Variants in MAP2K5 observed in about 807,000 individuals in gnomAD.
MAP2K5 encodes the protein mitogen-activated protein kinase kinase 5, also known as dual specificity mitogen-activated protein kinase kinase 5.
In MAP2K5, 49 loss-of-function variants were observed where a neutral mutation model predicts 83.1. That is an observed-to-expected ratio of 0.59 (90% CI 0.47 to 0.75). The LOEUF is 0.75. MAP2K5 is among the 30% of genes least tolerant of loss of function. The pLI, the probability that MAP2K5 is intolerant of heterozygous loss-of-function variation, is 0.00. For missense variants in MAP2K5, 457 were observed against 557.5 expected (o/e 0.82, Z 1.82); for synonymous variants, 202 against 191.8 (o/e 1.05, Z -0.44).
At chr15:67,584,273 T>C (rs930675890) in intron 4 of MAP2K5, among the ~76,000 whole-genome samples, 1 of 152,234 alleles carries the variant, frequency 6.6e-6, no homozygotes, top group African/African-American at 2.4e-5. Flanking sequence ...TTATAAAAGT[T>C]TGAGAAGTCA....
At chr15:67,709,452 T>G (rs2088635487) in intron 16 of MAP2K5, among the ~76,000 whole-genome samples, 1 of 148,522 alleles carries the variant, frequency 6.7e-6, no homozygotes, top group Non-Finnish European at 1.5e-5. Flanking sequence ...TTATTAACCT[T>G]GTAGTCTCTG....
intron 8 of MAP2K5, among the ~76,000 whole-genome samples, chr15:67,606,245 A>G (rs1019938117): frequency 1.3e-5 from 2 of 152,068 alleles, no homozygotes; most frequent in African/African-American, 4.8e-5. Flanking sequence ...CTTTTATATT[A>G]TTTTTTCCTT....
intron 13 of MAP2K5, among the ~76,000 whole-genome samples, chr15:67,666,813 G>A (rs1474215618): frequency 3.9e-5 from 6 of 152,138 alleles, no homozygotes; most frequent in African/African-American, 1.4e-4. Flanking sequence ...CAGTGGTAGA[G>A]GGCTGACAAG....
At chr15:67,608,269 T>C (rs769567392) in intron 8 of MAP2K5, among the ~76,000 whole-genome samples, 1 of 152,184 alleles carries the variant, frequency 6.6e-6, no homozygotes, top group African/African-American at 2.4e-5. Flanking sequence ...GTGCTGAGTT[T>C]ACAGACATAT....
At chr15:67,642,533 G>A (rs370716132) in intron 9 of MAP2K5, 3 of 1,189,314 alleles carry the variant, frequency 2.5e-6, no homozygotes, top group Non-Finnish European at 3.8e-6. Context: ...CATTCAAGCT[G>A]GGTCTAAAAG....
Position 67,757,823 on chromosome 15 carries a change from A to G in MAP2K5, c.1134+9222A>G, listed in dbSNP as rs529182990. ...TGATGTTTGTAGCCATATAAATTCT[A>G]TAATTAAAGTGTGGCCAAGGTGCTG... On this transcript the variant is annotated intron_variant, in intron 19 of 21. Coordinates refer to ENST00000178640, the MANE Select transcript of MAP2K5 (RefSeq NM_145160.3). This position sits in a 1 kb window ranked among gnomAD's most constrained non-coding sequence, Gnocchi z 4.9. Among the ~76,000 whole-genome samples, 8 of 152,230 alleles carry G rather than the reference A, an allele frequency of 5.3e-5. No individual in the cohort carries two copies. The highest frequency in any genetic ancestry group is 9.6e-5 in the African/African-American group (4 of 41,548).
At chr15:67,765,899 T>C (rs1015112801) in intron 19 of MAP2K5, among the ~76,000 whole-genome samples, 4 of 152,228 alleles carry the variant, frequency 2.6e-5, no homozygotes, top group African/African-American at 9.6e-5. Flanking sequence ...CTTTTGCTCA[T>C]AGATTGTGCA....
In MAP2K5 at chr15:67,723,753, T is replaced by A. The variant is rs568302539; in HGVS notation, c.1045-4163T>A. ...TGTCTACATTTTTCAGTACACTTTT[T>A]AAAAAAAAAAACTAGACTTAAGCTG... is the stretch of plus-strand genomic sequence containing the variant. On this transcript the variant is annotated intron_variant, in intron 16 of 21. Coordinates refer to ENST00000178640, the MANE Select transcript of MAP2K5 (RefSeq NM_145160.3). Among the ~76,000 whole-genome samples, 417 of 148,196 alleles carry A rather than the reference T, an allele frequency of 2.8e-3. 3 individuals are homozygous for A. Among genetic ancestry groups the A allele is most frequent in the African/African-American group, 6.1e-3 (249 of 40,760 alleles).
Position 67,748,276 on chromosome 15 carries a change from G to C in MAP2K5, c.1101+19G>C. 1 of 1,596,106 alleles carries C rather than the reference G, an allele frequency of 6.3e-7. No homozygotes were observed. Among genetic ancestry groups the C allele is most frequent in the Non-Finnish European group, 8.6e-7 (1 of 1,165,766 alleles). On this transcript the variant is annotated intron_variant, in intron 18 of 21. Coordinates refer to ENST00000178640, the MANE Select transcript of MAP2K5 (RefSeq NM_145160.3). This position sits in a 1 kb window ranked among gnomAD's most constrained non-coding sequence, Gnocchi z 4.0. ...TTTAATGGTAAGCTTTATGAGTTCA[G>C]AAAAAAATTCACTTTTCTTTTTCCT...
chr15:67,799,243 A>G (rs1384903955), intron 21 of MAP2K5, among the ~76,000 whole-genome samples: 2 of 152,284 alleles, frequency 1.3e-5, no homozygotes, highest in Non-Finnish European at 2.9e-5. Flanking sequence ...CTTGTGTGGA[A>G]AACTCTGCAT....
intron 3 of MAP2K5, among the ~76,000 whole-genome samples, chr15:67,567,771 C>T (rs2084871623): frequency 6.6e-6 from 1 of 152,124 alleles, no homozygotes; most frequent in South Asian, 2.1e-4. Flanking sequence ...TAAATATTCC[C>T]TTAATGTAGT....
At chr15:67,621,161 A>C (rs563190827) in intron 8 of MAP2K5, among the ~76,000 whole-genome samples, 5 of 152,292 alleles carry the variant, frequency 3.3e-5, no homozygotes, top group African/African-American at 1.2e-4. Flanking sequence ...TTATATTAAC[A>C]TAAGACAAAA....
Position 67,769,505 on chromosome 15 carries a change from C to G in MAP2K5, c.1135-97C>G. On this transcript the variant is annotated intron_variant, in intron 19 of 21. Transcript: ENST00000178640. The surrounding 1 kb of genome is among the most constrained non-coding windows in gnomAD (Gnocchi z 5.2). ...GGTGAGGCCTTATTCTCATTGTATT[C>G]ATCTTTATACTCATCCTTCACATGG... is the stretch of plus-strand genomic sequence containing the variant. The G allele has an allele frequency of 9.6e-7, 1 of 1,039,054 alleles. No individual in the cohort carries two copies. The highest frequency in any genetic ancestry group is 1.4e-5 in the South Asian group (1 of 73,872). 64.4% of individuals were successfully genotyped at this position (1,039,054 alleles called of 1,614,324 possible). A position where few individuals can be genotyped will look rare whatever the true frequency, so the allele number is the denominator to read the frequency against.
At chr15:67,789,985 C>T (rs1426569041) in intron 21 of MAP2K5, among the ~76,000 whole-genome samples, 2 of 152,172 alleles carry the variant, frequency 1.3e-5, no homozygotes, top group African/African-American at 4.8e-5. Flanking sequence ...TTTTACACTA[C>T]CAAGGTGCTA....
chr15:67,551,084 C>T (rs973307264), intron 2 of MAP2K5, among the ~76,000 whole-genome samples: 26 of 152,068 alleles, frequency 1.7e-4, no homozygotes, highest in African/African-American at 6.3e-4. Context: ...AGGGTCACTT[C>T]TTAATGTAGA....
chr15:67,595,901 T>C (rs925280408), intron 7 of MAP2K5, among the ~76,000 whole-genome samples: 10 of 152,324 alleles, frequency 6.6e-5, no homozygotes, highest in Non-Finnish European at 1.2e-4. Flanking sequence ...AAGTGTCAAT[T>C]TGAAGAATTT....
At chr15:67,611,235 A>G (rs1032085647) in intron 8 of MAP2K5, among the ~76,000 whole-genome samples, 1 of 152,236 alleles carries the variant, frequency 6.6e-6, no homozygotes, top group Non-Finnish European at 1.5e-5. Context: ...AACAAAATAT[A>G]TAGCCAATGA....
chr15:67,718,413 G>A (rs879577204), intron 16 of MAP2K5, among the ~76,000 whole-genome samples: 6 of 152,170 alleles, frequency 3.9e-5, no homozygotes, highest in African/African-American at 7.2e-5. Context: ...TCAAATGGCT[G>A]TTGAAGTAAA....
At chr15:67,795,050 C>T (rs2090582271) in intron 21 of MAP2K5, among the ~76,000 whole-genome samples, 1 of 152,254 alleles carries the variant, frequency 6.6e-6, no homozygotes, top group Admixed American at 6.5e-5. Context: ...CATCATCTCA[C>T]ACTCCCTTTC....
Sources: gnomAD v4.1 joint callset for allele counts (sites outside exome capture counted in the v4.1 genomes callset) on GRCh38, gnomAD v4.1.1 for gene constraint, Gnocchi (gnomAD v3.1) non-coding constraint, MANE v1.5 for transcripts, NCBI Gene and HGNC (gene_info 2026-07-23, HGNC 2026-07-21) for gene names.